The following PRDM2 variants were observed in gnomAD, a reference collection of about 807,000 sequenced individuals.
The protein encoded by PRDM2 is PR domain zinc finger protein 2.
PRDM2 carries 30 observed loss-of-function variants against 130.0 expected under a neutral mutation model. That is an observed-to-expected ratio of 0.23 (90% CI 0.17 to 0.31). The LOEUF (loss-of-function observed/expected upper bound fraction) is 0.31, where lower values mean the gene tolerates loss of function less well. Among genes scored for constraint, PRDM2 ranks in the 10% least tolerant of loss-of-function variants. The pLI, the probability that PRDM2 is intolerant of heterozygous loss-of-function variation, is 1.00. For missense variants in PRDM2, 2,011 were observed against 2,108.4 expected (o/e 0.95, Z 0.90); for synonymous variants, 871 against 782.4 (o/e 1.11, Z -1.89).
At chr1:13,786,806 G>A (rs1644751388) in intron 8 of PRDM2, 7 of 1,267,720 alleles carry the variant, frequency 5.5e-6, no homozygotes, top group Non-Finnish European at 7.0e-6. Flanking sequence ...CTCGTCATGG[G>A]ACTGGTACCT....
At chr1:13,788,669 G>A (rs901953465) in intron 8 of PRDM2, among the ~76,000 whole-genome samples, 3 of 152,194 alleles carry the variant, frequency 2.0e-5, no homozygotes, top group African/African-American at 7.2e-5. Context: ...AGGTTGGTGG[G>A]AATCTGGAAC....
In PRDM2 at chr1:13,779,294, G is replaced by A. The variant is rs910093845; in HGVS notation, c.1499G>A (p.Arg500Gln). Residue 500 changes from arginine to glutamine, a missense_variant, in exon 8 of 10, where the codon CGG becomes CAG. Arg to Gln is a conservative substitution (Grantham distance 43). Coordinates refer to ENST00000311066, the MANE Select transcript of PRDM2 (RefSeq NM_001393986.1). This position sits in a 1 kb window ranked among gnomAD's most constrained non-coding sequence, Gnocchi z 4.9. The part of the protein sequence containing the change: ...KVFGTHTNMR[R>Q]HQRRVHERHL... ...TTTGGAACTCATACTAATATGAGAC[G>A]GCATCAGCGTAGAGTTCACGAACGT... The A allele has an allele frequency of 1.1e-5, 18 of 1,613,784 alleles. No homozygotes were observed. Among genetic ancestry groups the A allele is most frequent in the Non-Finnish European group, 1.5e-5 (18 of 1,179,884 alleles).
rs530281153 is a variant in PRDM2, at chr1:13,788,224, A to G, written c.5036+5393A>G. 1.9e-5 allele frequency: 11 copies of G among 586,308 alleles called. No homozygotes were observed. In the East Asian group the frequency reaches 1.2e-3, roughly 62 times the overall value. The allele number at this position is 586,308 out of a possible 1,614,324, so 36.3% of individuals were successfully genotyped here. A position where few individuals can be genotyped will look rare whatever the true frequency, so the allele number is the denominator to read the frequency against. ...ACCTGGCGTCTGTTCACTTGTTTCT[A>G]TTTGACAGTAACTGAATATGTGCTC... On this transcript the variant is annotated intron_variant, in intron 8 of 9. Transcript: ENST00000311066.
At chr1:13,792,794 G>A (rs975667017) in intron 8 of PRDM2, among the ~76,000 whole-genome samples, 2 of 152,220 alleles carry the variant, frequency 1.3e-5, no homozygotes, top group African/African-American at 2.4e-5. Flanking sequence ...TTTCCAGCGC[G>A]TGGGGCACCT....
chr1:13,744,171 A>G (rs1160570874), intron 5 of PRDM2, among the ~76,000 whole-genome samples: 1 of 152,206 alleles, frequency 6.6e-6, no homozygotes. Context: ...CTCTGATGCA[A>G]ATTCACAGAA....
chr1:13,718,215 T>G (rs1642608421), intron 2 of PRDM2, among the ~76,000 whole-genome samples: 1 of 152,128 alleles, frequency 6.6e-6, no homozygotes, highest in South Asian at 2.1e-4. Flanking sequence ...CGATGGTTAT[T>G]TTAGGGTTAG....
intron 8 of PRDM2, among the ~76,000 whole-genome samples, chr1:13,785,717 T>A (rs1469782880): frequency 7.6e-6 from 1 of 131,406 alleles, no homozygotes; most frequent in Non-Finnish European, 1.6e-5. Context: ...TTAAATCTGT[T>A]GCTAAGGGTT....
At chr1:13,816,629 C>A in intron 9 of PRDM2, 59 bp downstream of exon 9, 7 of 1,552,286 alleles carry the variant, frequency 4.5e-6, no homozygotes, top group South Asian at 1.1e-5. Flanking sequence ...GGGGTGTGGG[C>A]TTGGGTCTTG....
At chr1:13,740,590 G>C (rs543253842) in intron 4 of PRDM2, among the ~76,000 whole-genome samples, 2 of 152,218 alleles carry the variant, frequency 1.3e-5, no homozygotes, top group Non-Finnish European at 2.9e-5. Context: ...ATACACAGAA[G>C]ACAAGGAGAT....
chr1:13,724,883 A>G (rs1432307924), intron 2 of PRDM2, among the ~76,000 whole-genome samples: 1 of 152,210 alleles, frequency 6.6e-6, no homozygotes, highest in East Asian at 1.9e-4. Context: ...TAACGCTTGT[A>G]GTTTTTAATG....
chr1:13,802,295 G>A (rs548655717), intron 8 of PRDM2, among the ~76,000 whole-genome samples: 1 of 152,134 alleles, frequency 6.6e-6, no homozygotes, highest in Non-Finnish European at 1.5e-5. Context: ...TGTCAGCCAG[G>A]CACACCCAGG....
At chr1:13,817,916 C>A (rs940359246) in intron 9 of PRDM2, among the ~76,000 whole-genome samples, 1 of 152,106 alleles carries the variant, frequency 6.6e-6, no homozygotes. Flanking sequence ...AGGAGAATGG[C>A]GTGAATGCAG....
At chr1:13,748,255 G>GT (rs1643677325) in intron 5 of PRDM2, among the ~76,000 whole-genome samples, 1 of 152,134 alleles carries the variant, frequency 6.6e-6, no homozygotes, top group Admixed American at 6.5e-5. Flanking sequence ...GAGGCTATGT[G>GT]TTTTGTTACT....
rs148848913 is a variant in PRDM2 at position 13,773,079 on chromosome 1, G to A, written c.513G>A (p.Gly171=). The change falls in exon 7 of 10, where the codon GGG becomes GGA. Residue 171 remains glycine, a splice_region_variant and synonymous_variant. Transcript: ENST00000311066. The part of the protein sequence containing the change: ...SKRSSPKSRK[G]KKKSQENKNK... ...AAATTAAAAAAAATTGTGTTTCAGG[G>A]AAGAAAAAATCCCAGGAAAATAAAA... The A allele has an allele frequency of 0.021, 32,137 of 1,496,650 alleles. 434 individuals are homozygous for A. The highest frequency in any genetic ancestry group is 0.033 in the Middle Eastern group (187 of 5,654). The allele number at this position is 1,496,650 out of a possible 1,614,324, so 92.7% of individuals were successfully genotyped here.
At chr1:13,728,844 A>T (rs147412689) in intron 2 of PRDM2, among the ~76,000 whole-genome samples, 1 of 152,296 alleles carries the variant, frequency 6.6e-6, no homozygotes, top group African/African-American at 2.4e-5. Context: ...ATTTTAATAC[A>T]TGTGATCTCT....
At chr1:13,715,685 A>G (rs1642510364) in intron 2 of PRDM2, 71 bp downstream of exon 2, 6 of 1,323,820 alleles carry the variant, frequency 4.5e-6, no homozygotes, top group Non-Finnish European at 5.2e-6. Flanking sequence ...TTTTTACAAG[A>G]TAGTAGCACA....
chr1:13,775,458 G>A (rs1644454952), intron 7 of PRDM2, among the ~76,000 whole-genome samples: 1 of 152,220 alleles, frequency 6.6e-6, no homozygotes, highest in South Asian at 2.1e-4. Flanking sequence ...TTTGAAATAT[G>A]TTACTACTGT....
At chr1:13,732,645 T>TA (rs1293036879) in intron 3 of PRDM2, 134 bp from the exon 4 acceptor site, 1 of 592,374 alleles carries the variant, frequency 1.7e-6, no homozygotes, top group African/African-American at 1.9e-5. Context: ...TAACTTGATC[T>TA]CAGGCTATTT....
At chr1:13,818,379 C>CT (rs70984285) in intron 9 of PRDM2, among the ~76,000 whole-genome samples, 3,860 of 127,950 alleles carry the variant, frequency 0.03, 222 homozygotes, top group African/African-American at 0.1. Context: ...TCTCTCTTTC[C>CT]TTTTTTTTTT....
Sources: gnomAD v4.1 joint callset for allele counts (sites outside exome capture counted in the v4.1 genomes callset) on GRCh38, gnomAD v4.1.1 for gene constraint, Gnocchi (gnomAD v3.1) non-coding constraint, MANE v1.5 for transcripts, NCBI Gene and HGNC (gene_info 2026-07-23, HGNC 2026-07-21) for gene names.